SLC27A1: variants seen among roughly 807,000 people sequenced by gnomAD.
SLC27A1 encodes solute carrier family 27 member 1.
Under a neutral mutation model 62.2 loss-of-function variants are expected in SLC27A1, and 61 were observed. That is an observed-to-expected ratio of 0.98 (90% CI 0.80 to 1.21). The LOEUF (loss-of-function observed/expected upper bound fraction) is 1.21, where lower values mean the gene tolerates loss of function less well. Among genes scored for constraint, SLC27A1 ranks in the 50% most tolerant of loss-of-function variants. The probability of loss-of-function intolerance (pLI) is 0.00; values close to 1 mark genes in which losing one functional copy is unlikely to be tolerated. For missense variants in SLC27A1, 903 were observed against 932.1 expected (o/e 0.97, Z 0.41); for synonymous variants, 435 against 408.6 (o/e 1.06, Z -0.78).
chr19:17,501,856 A>G (rs936957411), intron 11 of SLC27A1, among the ~76,000 whole-genome samples: 7 of 148,258 alleles, frequency 4.7e-5, no homozygotes, highest in African/African-American at 1.7e-4. Flanking sequence ...TCCCGCCTGT[A>G]ATCTCCGCAC....
In SLC27A1 at chr19:17,486,536, C is replaced by T. The variant is rs201685532; in HGVS notation, c.168-27C>T. The T allele has an allele frequency of 7.9e-4, 1,224 of 1,545,180 alleles. 29 individuals are homozygous for T. In the South Asian group the frequency reaches 0.014, roughly 17 times the overall value. On this transcript the variant is annotated intron_variant, in intron 1 of 11. Coordinates refer to ENST00000252595, the MANE Select transcript of SLC27A1 (RefSeq NM_198580.3). This position sits in a 1 kb window ranked among gnomAD's most constrained non-coding sequence, Gnocchi z 6.6. ...GCCAGGCGGGGCAGGGCACCAGTGA[C>T]GCTGTCCCCTCCGTCCTCCCTCCCA...
At chr19:17,477,676 C>T (rs917703661) in intron 1 of SLC27A1, among the ~76,000 whole-genome samples, 1 of 151,802 alleles carries the variant, frequency 6.6e-6, no homozygotes, top group African/African-American at 2.4e-5. Context: ...CCTCAGCCTC[C>T]CGAGTAGCTG....
At chr19:17,474,877 G>A (rs561749767) in intron 1 of SLC27A1, among the ~76,000 whole-genome samples, 44 of 151,472 alleles carry the variant, frequency 2.9e-4, no homozygotes, top group African/African-American at 9.9e-4. Flanking sequence ...TGATCTGCCC[G>A]CCTGGGCCTC....
Position 17,501,410 on chromosome 19 carries a change from G to GACACCAA in SLC27A1, c.1780_1781insAACACCA (p.Thr594LysfsTer19). On this transcript the variant is annotated frameshift_variant, in exon 11 of 12. Coordinates refer to ENST00000252595, the MANE Select transcript of SLC27A1 (RefSeq NM_198580.3). LOFTEE classifies it low-confidence loss of function (END_TRUNC). ...CTTCCTGCGCCTCCTGCCCCAGGTGGACACCACAGGTGCGAGTCTCCCCCA... is the reference window on the plus strand; with the variant it reads ...CTTCCTGCGCCTCCTGCCCCAGGTGGACACCAAACACCACAGGTGCGAGTCTCCCCCA... The GACACCAA allele has an allele frequency of 6.2e-7, 1 of 1,613,082 alleles. No individual in the cohort carries two copies. The highest frequency in any genetic ancestry group is 8.5e-7 in the Non-Finnish European group (1 of 1,179,772).
Position 17,486,690 on chromosome 19 carries a change from G to A in SLC27A1, c.295G>A (p.Gly99Arg), listed in dbSNP as rs759386519. 1.2e-6 allele frequency: 2 copies of A among 1,611,328 alleles called. No individual in the cohort carries two copies. The highest frequency in any genetic ancestry group is 2.2e-5 in the East Asian group (1 of 44,860). The change falls in exon 2 of 12, where the codon GGG (glycine) becomes AGG (arginine). Residue 99 changes from glycine (G) to arginine (R), a missense_variant. Transcript: ENST00000252595. This position sits in a 1 kb window ranked among gnomAD's most constrained non-coding sequence, Gnocchi z 6.6. ...QPERLALVDA[G>R]TGECWTFAQL... ...CGAGCGCCTGGCGCTGGTGGATGCC[G>A]GGACCGGCGAGTGCTGGACCTTTGC...
Position 17,486,960 on chromosome 19 carries a change from G to C in SLC27A1, c.562+3G>C, listed in dbSNP as rs1439611040. 6.4e-7 allele frequency: 1 copy of C among 1,562,888 alleles called. No homozygotes were observed. Among genetic ancestry groups the C allele is most frequent in the Admixed American group, 1.8e-5 (1 of 55,396 alleles). ...CTTTGGAGGAGAAATGGTGGCGGGT[G>C]AGGCCAGGCGTGGGCATCAGGTGGG... is the stretch of plus-strand genomic sequence containing the variant. On this transcript the variant is annotated splice_donor_region_variant and intron_variant, in intron 2 of 11. Coordinates refer to ENST00000252595, the MANE Select transcript of SLC27A1 (RefSeq NM_198580.3). This position sits in a 1 kb window ranked among gnomAD's most constrained non-coding sequence, Gnocchi z 6.6.
Position 17,506,149 on chromosome 19 carries a change from A to G in SLC27A1, c.*1537A>G, listed in dbSNP as rs1434285221. Reference sequence around the variant, plus strand: ...GGTTTTATTTCCTAATTGATTTAAGAAATAAACCTGAAGACCGTCTGGTGC... The same window carrying G: ...GGTTTTATTTCCTAATTGATTTAAGGAATAAACCTGAAGACCGTCTGGTGC... On this transcript the variant is annotated 3_prime_UTR_variant, in exon 12 of 12. Transcript: ENST00000252595. The G allele has an allele frequency of 6.6e-6, 1 of 152,170 alleles. No homozygotes were observed. Among genetic ancestry groups the G allele is most frequent in the African/African-American group, 2.4e-5 (1 of 41,426 alleles). The allele number at this position is 152,170 out of a possible 1,614,324, so 9.4% of individuals were successfully genotyped here.
chr19:17,486,969 C>T lies in SLC27A1; in HGVS notation c.562+12C>T, dbSNP rs1329878637. On this transcript the variant is annotated intron_variant, in intron 2 of 11. Transcript: ENST00000252595. This position sits in a 1 kb window ranked among gnomAD's most constrained non-coding sequence, Gnocchi z 6.6. ...AGAAATGGTGGCGGGTGAGGCCAGG[C>T]GTGGGCATCAGGTGGGCGGGGACCC... 1.9e-6 allele frequency: 3 copies of T among 1,558,206 alleles called. No individual in the cohort carries two copies. Among genetic ancestry groups the T allele is most frequent in the Non-Finnish European group, 2.6e-6 (3 of 1,158,610 alleles).
chr19:17,490,573 C>T (rs2075284848), intron 6 of SLC27A1, among the ~76,000 whole-genome samples: 1 of 152,260 alleles, frequency 6.6e-6, no homozygotes, highest in South Asian at 2.1e-4. Flanking sequence ...GATACCCTGT[C>T]CTGCCCCTCC....
rs1204020983 is a variant in SLC27A1, at chr19:17,501,304, C to T, written c.1668C>T (p.Val556=). The change falls in exon 11 of 12, where the codon GTC becomes GTT. Residue 556 remains valine (V), a synonymous_variant. Transcript: ENST00000252595. ...AGGGTAAGGCAGGGATGGCGGCCGTCGCAGACCCCCACAGCCTGCTGGACC... is the reference window on the plus strand; with the variant it reads ...AGGGTAAGGCAGGGATGGCGGCCGTTGCAGACCCCCACAGCCTGCTGGACC... ...GVEGKAGMAA[V]ADPHSLLDPN... 5 of 1,613,694 alleles carry T rather than the reference C, an allele frequency of 3.1e-6. No homozygotes were observed. The highest frequency in any genetic ancestry group is 1.7e-5 in the Admixed American group (1 of 59,998).
intron 1 of SLC27A1, among the ~76,000 whole-genome samples, chr19:17,481,355 C>T (rs150651398): frequency 0.022 from 2,759 of 123,480 alleles, 92 homozygotes; most frequent in African/African-American, 0.081. Flanking sequence ...CTCAATCTGT[C>T]ACCCAGGCTG....
chr19:17,470,566 C>A lies in SLC27A1; in HGVS notation c.26C>A (p.Ala9Asp). Residue 9 changes from alanine (A) to aspartate (D), a missense_variant, in exon 1 of 12, where the codon GCC becomes GAC. Ala to Asp is a moderately radical substitution (Grantham distance 126). Transcript: ENST00000252595. The part of the protein sequence containing the change: MRAPGAGA[A>D]SVVSLALLWL... Reference sequence around the variant, plus strand: ...ATGCGGGCTCCGGGTGCGGGCGCGGCCTCGGTGGTCTCGCTGGCGCTGTTG... The same window carrying A: ...ATGCGGGCTCCGGGTGCGGGCGCGGACTCGGTGGTCTCGCTGGCGCTGTTG... 1 of 1,566,304 alleles carries A rather than the reference C, an allele frequency of 6.4e-7. No homozygotes were observed. The highest frequency in any genetic ancestry group is 8.6e-7 in the Non-Finnish European group (1 of 1,165,268).
chr19:17,501,515 T>G, intron 11 of SLC27A1, 96 bp downstream of exon 11: 1 of 1,505,908 alleles, frequency 6.6e-7, no homozygotes, highest in Non-Finnish European at 8.9e-7. Context: ...AAAGAATACC[T>G]GGCCGGGGCC....
chr19:17,500,199 A>G, intron 7 of SLC27A1, 79 bp from the exon 8 acceptor site: 1 of 1,563,312 alleles, frequency 6.4e-7, no homozygotes. Context: ...TCCAAGCCCC[A>G]GGGCAAGGCA....
intron 6 of SLC27A1, chr19:17,489,820 T>C (rs996235685): frequency 6.6e-6 from 1 of 152,412 alleles, no homozygotes; most frequent in Admixed American, 6.5e-5. Flanking sequence ...AGTGCTGTAA[T>C]GTGGGGCAGG....
chr19:17,482,280 G>A (rs961332594), intron 1 of SLC27A1, among the ~76,000 whole-genome samples: 6 of 152,112 alleles, frequency 3.9e-5, no homozygotes, highest in Non-Finnish European at 7.4e-5. Context: ...GCACTTTGCC[G>A]GGGTGAGGCA....
At chr19:17,497,839 TCGCTCTGTCGC>T in intron 7 of SLC27A1, 1 of 262,538 alleles carries the variant, frequency 3.8e-6, no homozygotes, top group Non-Finnish European at 7.3e-6. Flanking sequence ...AGACAGAGTC[TCGCTCTGTCGC>T]CCAGGCTGGA....
rs1444950674 is a variant in SLC27A1, at chr19:17,502,357, T to G, written c.1783+938T>G. On this transcript the variant is annotated intron_variant, in intron 11 of 11. Transcript: ENST00000252595. Reference sequence around the variant, plus strand: ...AGTGTTTTTTTTGTTTTTTTTTTTTTTTTTTTTTTTTTGAGATGGAGTCTT... The same window carrying G: ...AGTGTTTTTTTTGTTTTTTTTTTTTGTTTTTTTTTTTTGAGATGGAGTCTT... Among the ~76,000 whole-genome samples, 7 of 103,634 alleles carry G rather than the reference T, an allele frequency of 6.8e-5. No homozygotes were observed. In the East Asian group the frequency reaches 9.8e-4, roughly 14 times the overall value. 68.0% of individuals were successfully genotyped at this position (103,634 alleles called of 152,430 possible).
intron 6 of SLC27A1, among the ~76,000 whole-genome samples, chr19:17,494,623 G>A (rs535185368): frequency 1.3e-5 from 2 of 152,106 alleles, no homozygotes; most frequent in South Asian, 4.2e-4. Flanking sequence ...TACCGTGCCC[G>A]GCCACAGGTA....
Sources: gnomAD v4.1 joint callset for allele counts (sites outside exome capture counted in the v4.1 genomes callset) on GRCh38, gnomAD v4.1.1 for gene constraint, Gnocchi (gnomAD v3.1) non-coding constraint, MANE v1.5 for transcripts, NCBI Gene and HGNC (gene_info 2026-07-23, HGNC 2026-07-21) for gene names.